The following GSG1L variants were observed in gnomAD, a reference collection of about 807,000 sequenced individuals.
GSG1L encodes germ cell-specific gene 1-like protein.
In GSG1L, 24 loss-of-function variants were observed where a neutral mutation model predicts 42.1. The observed-to-expected ratio is 0.57, with a 90% CI of 0.41 to 0.80. GSG1L has a LOEUF of 0.80. Among genes scored for constraint, GSG1L ranks in the 30% least tolerant of loss-of-function variants. The pLI, the probability that GSG1L is intolerant of heterozygous loss-of-function variation, is 0.00. For synonymous variants in GSG1L, 215 were observed against 203.5 expected (o/e 1.06, Z -0.48); for missense variants, 445 against 472.2 (o/e 0.94, Z 0.53).
chr16:28,034,132 C>T (rs1438992949), intron 1 of GSG1L, among the ~76,000 whole-genome samples: 1 of 151,066 alleles, frequency 6.6e-6, no homozygotes, highest in Admixed American at 6.6e-5. Flanking sequence ...CCCATCCCAT[C>T]CCATCCCAGC....
At chr16:27,815,867 C>T (rs550098393) in intron 5 of GSG1L, among the ~76,000 whole-genome samples, 28 of 152,212 alleles carry the variant, frequency 1.8e-4, no homozygotes, top group African/African-American at 4.6e-4. Context: ...CCCAACTACT[C>T]GGGAGGCTGA....
chr16:27,946,633 AAG>A (rs1220228904), intron 2 of GSG1L, among the ~76,000 whole-genome samples: 1 of 33,326 alleles, frequency 3.0e-5, no homozygotes, highest in Non-Finnish European at 5.7e-5. Flanking sequence ...GAGAGAGAGA[AAG>A]AAAGAAAGAA....
At chr16:27,932,862 G>T (rs1375274901) in intron 2 of GSG1L, among the ~76,000 whole-genome samples, 5 of 152,076 alleles carry the variant, frequency 3.3e-5, no homozygotes, top group South Asian at 4.2e-4. Flanking sequence ...CCCTGGTGCT[G>T]GCCCCAGTGT....
intron 1 of GSG1L, among the ~76,000 whole-genome samples, chr16:28,052,617 CA>C (rs2086232673): frequency 6.6e-6 from 1 of 152,192 alleles, no homozygotes; most frequent in Non-Finnish European, 1.5e-5. Flanking sequence ...ATCCTTTATC[CA>C]GGTCCCCAGT....
intron 1 of GSG1L, among the ~76,000 whole-genome samples, chr16:28,043,483 G>A (rs1424395418): frequency 1.3e-5 from 2 of 152,316 alleles, no homozygotes; most frequent in East Asian, 1.9e-4. Context: ...CAGAGAAAAC[G>A]AGAGACATAG....
chr16:27,809,771 G>A (rs980509581), intron 5 of GSG1L, among the ~76,000 whole-genome samples: 34 of 151,982 alleles, frequency 2.2e-4, no homozygotes, highest in Non-Finnish European at 1.0e-4. Flanking sequence ...TCCTTGGTGG[G>A]GCATGTCCCC....
chr16:27,859,167 G>C (rs899390887), intron 3 of GSG1L, among the ~76,000 whole-genome samples: 2 of 151,764 alleles, frequency 1.3e-5, no homozygotes, highest in African/African-American at 4.9e-5. Context: ...ATTTGGAAGT[G>C]GATCTGGCTC....
intron 1 of GSG1L, among the ~76,000 whole-genome samples, chr16:28,056,451 T>TCACACC (rs2086280079): frequency 9.2e-6 from 1 of 108,940 alleles, no homozygotes; most frequent in African/African-American, 3.7e-5. Context: ...AAGGGGAACA[T>TCACACC]CACACCGGGG....
rs13332771 is a variant in GSG1L, at chr16:27,809,081, A to G, written c.831-1527T>C. ...ATGGGCATCACATTAGAGAAACACA[A>G]TCTAGTCCTCTCAAGTAAGAACAAC... On this transcript the variant is annotated intron_variant, in intron 5 of 6. Coordinates refer to ENST00000447459, the MANE Select transcript of GSG1L (RefSeq NM_001109763.2). Among the ~76,000 whole-genome samples, 691 of 152,254 alleles carry G rather than the reference A, an allele frequency of 4.5e-3. 5 individuals carry two copies. Among genetic ancestry groups the G allele is most frequent in the African/African-American group, 0.016 (657 of 41,552 alleles).
At chr16:28,046,509 A>G (rs185509930) in intron 1 of GSG1L, among the ~76,000 whole-genome samples, 2,152 of 151,946 alleles carry the variant, frequency 0.014, 27 homozygotes, top group Non-Finnish European at 0.022. Flanking sequence ...GCCCGCCACC[A>G]TGCCTGGCTA....
chr16:27,935,133 G>A (rs907746843), intron 2 of GSG1L, among the ~76,000 whole-genome samples: 2 of 152,228 alleles, frequency 1.3e-5, no homozygotes, highest in African/African-American at 4.8e-5. Flanking sequence ...GGACATTGAG[G>A]TGAGACTCGG....
intron 1 of GSG1L, among the ~76,000 whole-genome samples, chr16:27,975,331 G>A (rs2085238952): frequency 6.6e-6 from 1 of 151,996 alleles, no homozygotes; most frequent in Non-Finnish European, 1.5e-5. Flanking sequence ...ACCGAGAAGG[G>A]CAGGGAATGG....
intron 5 of GSG1L, among the ~76,000 whole-genome samples, chr16:27,821,592 A>T (rs1381201762): frequency 2.0e-5 from 3 of 152,088 alleles, no homozygotes; most frequent in Non-Finnish European, 2.9e-5. Flanking sequence ...CTGATTTTTA[A>T]AACTCAGCCC....
At chr16:28,017,034 G>C (rs182644995) in intron 1 of GSG1L, among the ~76,000 whole-genome samples, 2 of 152,336 alleles carry the variant, frequency 1.3e-5, no homozygotes, top group Non-Finnish European at 2.9e-5. Flanking sequence ...CTGACCTTCA[G>C]GAAAAGTTCC....
intron 5 of GSG1L, among the ~76,000 whole-genome samples, chr16:27,812,621 A>AG (rs1394907680): frequency 6.6e-6 from 1 of 151,850 alleles, no homozygotes; most frequent in Non-Finnish European, 1.5e-5. Context: ...AATTACAGGG[A>AG]GTGGGGAGCA....
chr16:27,846,614 G>A (rs1174881716), intron 3 of GSG1L, among the ~76,000 whole-genome samples: 1 of 152,186 alleles, frequency 6.6e-6, no homozygotes, highest in Admixed American at 6.5e-5. Flanking sequence ...TTCACTCAAA[G>A]ATACCTTGGT....
At chr16:27,995,565 A>C (rs4788029) in intron 1 of GSG1L, among the ~76,000 whole-genome samples, 1 of 151,914 alleles carries the variant, frequency 6.6e-6, no homozygotes, top group Non-Finnish European at 1.5e-5. Flanking sequence ...TTTAAAGACC[A>C]CAGGGACACA....
intron 2 of GSG1L, among the ~76,000 whole-genome samples, chr16:27,896,154 A>C (rs945383656): frequency 2.0e-5 from 3 of 152,158 alleles, no homozygotes; most frequent in African/African-American, 7.2e-5. Context: ...TGGGTGGGGC[A>C]TGCTGGAGGC....
At chr16:27,987,759 C>CAACATGGTGA (rs1219939111) in intron 1 of GSG1L, among the ~76,000 whole-genome samples, 1 of 151,980 alleles carries the variant, frequency 6.6e-6, no homozygotes, top group African/African-American at 2.4e-5. Flanking sequence ...CCATCTTGGC[C>CAACATGGTGA]AACATGGTGA....
Sources: gnomAD v4.1 joint callset for allele counts (sites outside exome capture counted in the v4.1 genomes callset) on GRCh38, gnomAD v4.1.1 for gene constraint, MANE v1.5 for transcripts, NCBI Gene and HGNC (gene_info 2026-07-23, HGNC 2026-07-21) for gene names.